Variants in ZNF519 observed in about 807,000 individuals in gnomAD.
ZNF519 encodes the protein zinc finger protein 519.
In ZNF519, 7 loss-of-function variants were observed where a neutral mutation model predicts 7.4. That is an observed-to-expected ratio of 0.94 (90% CI 0.54 to 1.77). The LOEUF (loss-of-function observed/expected upper bound fraction) is 1.77, where lower values mean the gene tolerates loss of function less well. Among genes scored for constraint, ZNF519 ranks in the 40% most tolerant of loss-of-function variants. The pLI is 0.00. For synonymous variants in ZNF519, 179 were observed against 203.3 expected (o/e 0.88, Z 1.02); for missense variants, 586 against 623.1 (o/e 0.94, Z 0.63).
At chr18:14,107,074 G>C (rs2046197047) in intron 2 of ZNF519, among the ~76,000 whole-genome samples, 1 of 152,144 alleles carries the variant, frequency 6.6e-6, no homozygotes, top group Admixed American at 6.5e-5. Flanking sequence ...ACTGGGCTTA[G>C]AGCCAGTGGA....
chr18:14,132,237 C>T (rs757181602), intron 1 of ZNF519, 38 bp downstream of exon 1: 10 of 1,612,708 alleles, frequency 6.2e-6, no homozygotes, highest in Admixed American at 1.7e-5. Flanking sequence ...CAAGGAGCCC[C>T]CTCCCCAGTC....
chr18:14,082,983 C>T (rs930098592), intron 3 of ZNF519: 15 of 152,304 alleles, frequency 9.8e-5, no homozygotes, highest in Non-Finnish European at 2.1e-4. Context: ...TGGTTTTGAT[C>T]TCTTGATGGT....
chr18:14,124,268 A>G, intron 2 of ZNF519, 82 bp downstream of exon 2: 1 of 1,301,480 alleles, frequency 7.7e-7, no homozygotes, highest in Non-Finnish European at 1.0e-6. Flanking sequence ...TGCAAAGCAG[A>G]AGCTCTCAAG....
In ZNF519 at chr18:14,106,025, T is replaced by C. The variant is rs1598516121; in HGVS notation, c.515A>G (p.His172Arg). Residue 172 changes from histidine (H) to arginine (R), a missense_variant, in exon 3 of 3, where the codon CAT (histidine) becomes CGT (arginine). His to Arg is a conservative substitution (Grantham distance 29). Transcript: ENST00000590202. ...ATAGTTTTCTAGAAAATGAGTACTA[T>C]GATGTTTACTAATATTTGAGTCATG... ...FNHDSNISKH[H>R]STHFLENYYN... 7 of 1,581,352 alleles carry C rather than the reference T, an allele frequency of 4.4e-6. No individual in the cohort carries two copies. The highest frequency in any genetic ancestry group is 4.5e-5 in the East Asian group (2 of 44,584).
chr18:14,124,960 G>T (rs372353551), intron 1 of ZNF519, among the ~76,000 whole-genome samples: 1 of 152,158 alleles, frequency 6.6e-6, no homozygotes, highest in African/African-American at 2.4e-5. Flanking sequence ...ACTAAGCACT[G>T]CCTCTCAAGC....
At chr18:14,127,874 GGAATC>G (rs904961080) in intron 1 of ZNF519, among the ~76,000 whole-genome samples, 8 of 151,816 alleles carry the variant, frequency 5.3e-5, no homozygotes, top group Admixed American at 5.3e-4. Flanking sequence ...GGTTGTGATT[GGAATC>G]CTGAGAAAGA....
rs777481699 is a variant in ZNF519, at chr18:14,104,957, C to A, written c.1583G>T (p.Arg528Leu). The A allele has an allele frequency of 1.9e-6, 3 of 1,581,990 alleles. No homozygotes were observed. Among genetic ancestry groups the A allele is most frequent in the Non-Finnish European group, 2.6e-6 (3 of 1,166,636 alleles). ...TATTTGATGTTGAGTAAGGGTTGAG[C>A]GTCTGTTAAAAGCTTTGCCACATTC... is the stretch of plus-strand genomic sequence containing the variant. ...CKECGKAFNRRSTLTQHQIIH... is the reference protein window; with the variant it reads ...CKECGKAFNRLSTLTQHQIIH... Residue 528 changes from arginine to leucine, a missense_variant, in exon 3 of 3, where the codon CGC becomes CTC. Physicochemically the swap from Arg to Leu is moderately radical, Grantham distance 102 (BLOSUM62 -2). Coordinates refer to ENST00000590202, the MANE Select transcript of ZNF519 (RefSeq NM_145287.4).
At chr18:14,077,421 G>C (rs1041391839) in exon 5 of ZNF519, 3 of 152,416 alleles carry the variant, frequency 2.0e-5, no homozygotes, top group African/African-American at 7.2e-5. Flanking sequence ...GGCTTGAAGT[G>C]ATGGTCAGGA....
At position 14,100,603 on chromosome 18, in the gene ZNF519, A is replaced by G. The variant is rs778239652; in HGVS notation, c.*4314T>C. 1.3e-5 allele frequency: 2 copies of G among 152,254 alleles called. No individual in the cohort carries two copies. Among genetic ancestry groups the G allele is most frequent in the Non-Finnish European group, 2.9e-5 (2 of 68,054 alleles). The allele number at this position is 152,254 out of a possible 1,614,324, so 9.4% of individuals were successfully genotyped here. A position where few individuals can be genotyped will look rare whatever the true frequency, so the allele number is the denominator to read the frequency against. ...TTGCACAGGTTATGATTTCATTTATATAACATTATTGGAATGACAAATTTG... is the reference window on the plus strand; with the variant it reads ...TTGCACAGGTTATGATTTCATTTATGTAACATTATTGGAATGACAAATTTG... On this transcript the variant is annotated 3_prime_UTR_variant, in exon 3 of 3. Coordinates refer to ENST00000590202, the MANE Select transcript of ZNF519 (RefSeq NM_145287.4).
chr18:14,091,368 T>A (rs2046113654), intron 2 of ZNF519, among the ~76,000 whole-genome samples: 1 of 152,086 alleles, frequency 6.6e-6, no homozygotes, highest in Non-Finnish European at 1.5e-5. Flanking sequence ...CTGAGAAAAG[T>A]TGTAAGGGAA....
chr18:14,113,856 T>C (rs1161122987), intron 2 of ZNF519, among the ~76,000 whole-genome samples: 1 of 150,138 alleles, frequency 6.7e-6, no homozygotes, highest in African/African-American at 2.5e-5. Flanking sequence ...TGAGATAACA[T>C]CTCACTGTCA....
chr18:14,102,929 T>A lies in ZNF519; in HGVS notation c.*1988A>T, dbSNP rs1178330861. 6.6e-6 allele frequency: 1 copy of A among 151,734 alleles called. No homozygotes were observed. The highest frequency in any genetic ancestry group is 6.6e-5 in the Admixed American group (1 of 15,228). 9.4% of individuals were successfully genotyped at this position (151,734 alleles called of 1,614,324 possible). On this transcript the variant is annotated 3_prime_UTR_variant, in exon 3 of 3. Transcript: ENST00000590202. The stretch of plus-strand genomic sequence containing the variant: ...AAACAAGGAAGTAACTTCAAAAACA[T>A]GAACAATTATATAAATTAAAAGATT...
chr18:14,076,127 T>A (rs2046046807), exon 5 of ZNF519: 1 of 152,162 alleles, frequency 6.6e-6, no homozygotes, highest in South Asian at 2.1e-4. Flanking sequence ...GAGCTGACAA[T>A]GTGCTTAACC....
In ZNF519 at chr18:14,100,616, A is replaced by G. The variant is rs2046156017; in HGVS notation, c.*4301T>C. The G allele has an allele frequency of 6.6e-6, 1 of 152,246 alleles. No homozygotes were observed. The highest frequency in any genetic ancestry group is 2.4e-5 in the African/African-American group (1 of 41,462). 9.4% of individuals were successfully genotyped at this position (152,246 alleles called of 1,614,324 possible). ...GATTTCATTTATATAACATTATTGG[A>G]ATGACAAATTTGCAGAAATAGAAAT... On this transcript the variant is annotated 3_prime_UTR_variant, in exon 3 of 3. Coordinates refer to ENST00000590202, the MANE Select transcript of ZNF519 (RefSeq NM_145287.4).
rs988377569 is a variant in ZNF519, at chr18:14,100,100, T to C, written c.*4817A>G. ...AATAGGCAGATGTCATATGAGAACA[T>C]TAAATAAAGTTCAACATTATTATCC... On this transcript the variant is annotated 3_prime_UTR_variant, in exon 3 of 3. Coordinates refer to ENST00000590202, the MANE Select transcript of ZNF519 (RefSeq NM_145287.4). 6.6e-6 allele frequency: 1 copy of C among 152,128 alleles called. No individual in the cohort carries two copies. The highest frequency in any genetic ancestry group is 1.5e-5 in the Non-Finnish European group (1 of 68,014). The allele number at this position is 152,128 out of a possible 1,614,324, so 9.4% of individuals were successfully genotyped here.
downstream of ZNF519, among the ~76,000 whole-genome samples, chr18:14,096,574 G>T (rs1333740384): frequency 6.6e-6 from 1 of 152,090 alleles, no homozygotes; most frequent in Non-Finnish European, 1.5e-5. Flanking sequence ...GGAGTAGAGT[G>T]GCATGGTCAT....
intron 2 of ZNF519, among the ~76,000 whole-genome samples, chr18:14,092,424 T>C (rs34887741): frequency 0.051 from 7,790 of 152,204 alleles, 213 homozygotes; most frequent in South Asian, 0.082. Flanking sequence ...GATATAAGTG[T>C]AGGACTTAGA....
At chr18:14,117,616 TA>T (rs949446912) in intron 2 of ZNF519, among the ~76,000 whole-genome samples, 1 of 151,988 alleles carries the variant, frequency 6.6e-6, no homozygotes, top group African/African-American at 2.4e-5. Flanking sequence ...CTGGGTATTT[TA>T]AAAAAAAGAG....
intron 1 of ZNF519, among the ~76,000 whole-genome samples, chr18:14,127,671 T>C (rs1301276744): frequency 6.6e-6 from 1 of 152,152 alleles, no homozygotes; most frequent in Non-Finnish European, 1.5e-5. Context: ...ATTGGGTTTA[T>C]GGGCCCCATG....
Sources: allele counts gnomAD v4.1 joint callset (sites outside exome capture counted in the v4.1 genomes callset), GRCh38; gene constraint gnomAD v4.1.1; transcripts MANE v1.5; gene names NCBI Gene and HGNC (gene_info 2026-07-23, HGNC 2026-07-21).